FER: variants seen among roughly 807,000 people sequenced by gnomAD.
FER encodes tyrosine-protein kinase Fer.
Under a neutral mutation model 111.0 loss-of-function variants are expected in FER, and 63 were observed. The observed-to-expected ratio is 0.57, with a 90% CI of 0.46 to 0.70. The LOEUF (loss-of-function observed/expected upper bound fraction) is 0.70. FER is among the 30% of genes least tolerant of loss of function. The pLI, the probability that FER is intolerant of heterozygous loss-of-function variation, is 0.00. For missense variants in FER, 914 were observed against 954.0 expected (o/e 0.96, Z 0.55); for synonymous variants, 327 against 313.9 (o/e 1.04, Z -0.44).
chr5:109,027,740 G>A (rs761627314), intron 13 of FER, among the ~76,000 whole-genome samples: 4 of 152,110 alleles, frequency 2.6e-5, no homozygotes, highest in African/African-American at 9.7e-5. Context: ...AGCCTGGGCA[G>A]ACTGCTGGTT....
intron 17 of FER, among the ~76,000 whole-genome samples, chr5:109,139,503 G>C (rs1003664921): frequency 6.6e-6 from 1 of 151,810 alleles, no homozygotes; most frequent in Admixed American, 6.6e-5. Context: ...ATTGCTAAAA[G>C]ATAGCAGTTT....
intron 10 of FER, among the ~76,000 whole-genome samples, chr5:108,899,272 C>T (rs1581115549): frequency 6.6e-6 from 1 of 152,120 alleles, no homozygotes; most frequent in South Asian, 2.1e-4. Context: ...TGAATCCTTG[C>T]ACTCTTTCAC....
At chr5:109,089,325 A>T (rs1342792902) in intron 16 of FER, among the ~76,000 whole-genome samples, 1 of 152,174 alleles carries the variant, frequency 6.6e-6, no homozygotes, top group Non-Finnish European at 1.5e-5. Flanking sequence ...TGGAATTGTT[A>T]CCCCTTTCAC....
chr5:109,160,653 A>G (rs959713177), intron 17 of FER, among the ~76,000 whole-genome samples: 3 of 152,066 alleles, frequency 2.0e-5, no homozygotes, highest in Non-Finnish European at 4.4e-5. Flanking sequence ...AATTTTGTCT[A>G]ATTGTAAAAT....
chr5:109,002,354 G>T (rs377338051), intron 13 of FER, among the ~76,000 whole-genome samples: 2 of 151,350 alleles, frequency 1.3e-5, no homozygotes, highest in South Asian at 2.1e-4. Context: ...ACAAACCTGA[G>T]AAAAACAAGC....
At chr5:109,093,447 G>A (rs1191010899) in intron 16 of FER, among the ~76,000 whole-genome samples, 1 of 152,032 alleles carries the variant, frequency 6.6e-6, no homozygotes, top group African/African-American at 2.4e-5. Context: ...TTTACGTTGT[G>A]TAAATTCTGA....
At chr5:108,893,426 A>G (rs935915578) in intron 9 of FER, among the ~76,000 whole-genome samples, 6 of 150,172 alleles carry the variant, frequency 4.0e-5, no homozygotes, top group African/African-American at 7.4e-5. Context: ...TTTTTTTTCT[A>G]CAAGTATAAT....
chr5:109,106,873 G>A (rs1212276875), intron 17 of FER, among the ~76,000 whole-genome samples: 1 of 152,178 alleles, frequency 6.6e-6, no homozygotes, highest in Non-Finnish European at 1.5e-5. Flanking sequence ...TAATGTACCA[G>A]CATATCTAGC....
At chr5:108,941,324 T>TA (rs1756242255) in intron 10 of FER, among the ~76,000 whole-genome samples, 2 of 152,102 alleles carry the variant, frequency 1.3e-5, no homozygotes. Flanking sequence ...TTGAGGAAAA[T>TA]ATTCTTGAAT....
chr5:109,105,923 A>G (rs1748861049), intron 17 of FER, among the ~76,000 whole-genome samples: 1 of 152,250 alleles, frequency 6.6e-6, no homozygotes. Flanking sequence ...AGCTAAATGA[A>G]TGAACCTTCA....
rs1753383844 is a variant in FER at position 109,140,274 on chromosome 5, C to A, written c.2048+39755C>A. Among the ~76,000 whole-genome samples, 3 of 152,054 alleles carry A rather than the reference C, an allele frequency of 2.0e-5. No homozygotes were observed. The South Asian group carries it at 6.2e-4, about 31-fold the overall frequency. On this transcript the variant is annotated intron_variant, in intron 17 of 19. Transcript: ENST00000281092. Reference sequence around the variant, plus strand: ...CTAAACTAAAATCATATCTAAAATACAAATAAAGAAACAGTACAAAACATA... The same window carrying A: ...CTAAACTAAAATCATATCTAAAATAAAAATAAAGAAACAGTACAAAACATA...
intron 2 of FER, among the ~76,000 whole-genome samples, chr5:108,795,768 T>C (rs1329920069): frequency 1.3e-5 from 2 of 152,232 alleles, no homozygotes; most frequent in African/African-American, 4.8e-5. Flanking sequence ...AAATTTGGTC[T>C]CTCTGTTATC....
At chr5:108,875,282 A>G (rs1764976305) in intron 8 of FER, among the ~76,000 whole-genome samples, 1 of 152,050 alleles carries the variant, frequency 6.6e-6, no homozygotes, top group Non-Finnish European at 1.5e-5. Flanking sequence ...TGCACTTCCC[A>G]TCACACATGC....
At chr5:109,008,182 T>C (rs1765741767) in intron 13 of FER, among the ~76,000 whole-genome samples, 1 of 152,230 alleles carries the variant, frequency 6.6e-6, no homozygotes, top group African/African-American at 2.4e-5. Context: ...CCTTATATTA[T>C]TGAGTTTATT....
intron 17 of FER, among the ~76,000 whole-genome samples, chr5:109,143,095 TTTAA>T (rs1753699888): frequency 6.6e-6 from 1 of 152,092 alleles, no homozygotes; most frequent in Non-Finnish European, 1.5e-5. Flanking sequence ...CATGTTCCTG[TTTAA>T]TTAAGAAGGA....
chr5:109,106,009 C>T (rs1748876350), intron 17 of FER, among the ~76,000 whole-genome samples: 1 of 152,142 alleles, frequency 6.6e-6, no homozygotes, highest in African/African-American at 2.4e-5. Flanking sequence ...GAGTATCGTG[C>T]CCAAGATCAT....
At chr5:108,932,164 C>T (rs1581257476) in intron 10 of FER, among the ~76,000 whole-genome samples, 1 of 152,086 alleles carries the variant, frequency 6.6e-6, no homozygotes, top group Admixed American at 6.5e-5. Context: ...AATGCTATCC[C>T]TCACCTAGCC....
At chr5:109,039,946 A>C (rs1206968354) in intron 14 of FER, among the ~76,000 whole-genome samples, 2 of 152,086 alleles carry the variant, frequency 1.3e-5, no homozygotes, top group African/African-American at 4.8e-5. Flanking sequence ...TTACCTGACT[A>C]AAAGATGATG....
intron 3 of FER, among the ~76,000 whole-genome samples, chr5:108,807,752 A>G (rs1243220765): frequency 6.6e-6 from 1 of 152,110 alleles, no homozygotes; most frequent in Admixed American, 6.5e-5. Flanking sequence ...GGTGGTGTTT[A>G]GTGCTATATA....
Sources: gnomAD v4.1 joint callset for allele counts (sites outside exome capture counted in the v4.1 genomes callset) on GRCh38, gnomAD v4.1.1 for gene constraint, MANE v1.5 for transcripts, NCBI Gene and HGNC (gene_info 2026-07-23, HGNC 2026-07-21) for gene names.